Variants in CORO2B observed in about 807,000 individuals in gnomAD.
The protein encoded by CORO2B is coronin-2B.
Under a neutral mutation model 58.8 loss-of-function variants are expected in CORO2B, and 26 were observed. The ratio of observed to expected loss-of-function variants is 0.44; its 90% CI spans 0.32 to 0.61. The LOEUF is 0.61. CORO2B is among the 20% of genes least tolerant of loss of function. The pLI is 0.04. For missense variants in CORO2B, 460 were observed against 645.1 expected (o/e 0.71, Z 3.11); for synonymous variants, 242 against 253.8 (o/e 0.95, Z 0.44).
At chr15:68,549,953 AAAAT>A in the CORO2B span, among the ~76,000 whole-genome samples, 816 of 144,562 alleles carry the variant, frequency 5.6e-3, 9 homozygotes, top group African/African-American at 0.017. Flanking sequence ...AAAATAAAAT[AAAAT>A]AAATAAATAA....
chr15:68,723,240 G>A (rs1228195341), intron 11 of CORO2B, among the ~76,000 whole-genome samples: 1 of 129,264 alleles, frequency 7.7e-6, no homozygotes, highest in African/African-American at 3.0e-5. Flanking sequence ...TCCTGCCTTA[G>A]CCTCCCAAGT....
At chr15:68,654,305 G>GA (rs1901734924) in intron 2 of CORO2B, among the ~76,000 whole-genome samples, 1 of 152,254 alleles carries the variant, frequency 6.6e-6, no homozygotes, top group African/African-American at 2.4e-5. Context: ...AGCCTGGCTA[G>GA]TGGGCATCAT....
chr15:68,559,707 C>T, the CORO2B span: 1 of 884,504 alleles, frequency 1.1e-6, no homozygotes, highest in Non-Finnish European at 1.4e-6. This position sits in a 1 kb window ranked among gnomAD's most constrained non-coding sequence, Gnocchi z 4.3. Flanking sequence ...CTCTGGGGTT[C>T]TCCCAGGGGG....
chr15:68,621,404 C>T (rs10152807), intron 1 of CORO2B, among the ~76,000 whole-genome samples: 2,533 of 152,258 alleles, frequency 0.017, 73 homozygotes, highest in African/African-American at 0.058. Flanking sequence ...AGAGAGGCTT[C>T]GCAGCGCTGG....
intron 2 of CORO2B, among the ~76,000 whole-genome samples, chr15:68,665,072 A>G (rs746234301): frequency 2.1e-4 from 32 of 152,176 alleles, no homozygotes; most frequent in South Asian, 4.1e-4. Flanking sequence ...GATTATAAAG[A>G]AGTAACCTTT....
At chr15:68,589,095 C>T (rs1415784070) in intron 1 of CORO2B, among the ~76,000 whole-genome samples, 1 of 152,202 alleles carries the variant, frequency 6.6e-6, no homozygotes, top group Non-Finnish European at 1.5e-5. Context: ...TGGATTGAGG[C>T]TGTTTCAGGG....
the CORO2B span, among the ~76,000 whole-genome samples, chr15:68,548,146 G>C: frequency 4.6e-4 from 70 of 151,084 alleles, 2 homozygotes; most frequent in Middle Eastern, 3.4e-3. Flanking sequence ...ACTCCAGCCT[G>C]GGCAACAGAG....
intron 1 of CORO2B, among the ~76,000 whole-genome samples, chr15:68,616,195 G>C (rs1268652170): frequency 1.3e-5 from 2 of 152,048 alleles, no homozygotes; most frequent in Non-Finnish European, 2.9e-5. Flanking sequence ...TTGCTGTCGG[G>C]GATATGGCTA....
At chr15:68,557,270 C>T in the CORO2B span, among the ~76,000 whole-genome samples, 1 of 152,098 alleles carries the variant, frequency 6.6e-6, no homozygotes, top group Admixed American at 6.5e-5. Context: ...GTTCAGGGGC[C>T]AATCTATCCA....
the CORO2B span, among the ~76,000 whole-genome samples, chr15:68,540,563 A>G: frequency 6.6e-6 from 1 of 152,260 alleles, no homozygotes; most frequent in African/African-American, 2.4e-5. Context: ...CAGTCTCACC[A>G]GTCCCTTTCA....
upstream of CORO2B, among the ~76,000 whole-genome samples, chr15:68,574,172 C>A (rs1254049460): frequency 6.6e-6 from 1 of 152,142 alleles, no homozygotes; most frequent in Non-Finnish European, 1.5e-5. Context: ...TCCGAGTGGC[C>A]CAGCAAGGGA....
At chr15:68,552,722 T>C in the CORO2B span, among the ~76,000 whole-genome samples, 1 of 152,136 alleles carries the variant, frequency 6.6e-6, no homozygotes, top group African/African-American at 2.4e-5. Context: ...CATCATAGAA[T>C]CGCATGCTTC....
At chr15:68,593,083 A>G (rs746550278) in intron 1 of CORO2B, among the ~76,000 whole-genome samples, 6 of 152,160 alleles carry the variant, frequency 3.9e-5, no homozygotes, top group Non-Finnish European at 7.3e-5. Flanking sequence ...GAGAGAGGAA[A>G]TTGGGCCAAA....
the CORO2B span, among the ~76,000 whole-genome samples, chr15:68,555,324 G>A: frequency 6.6e-6 from 1 of 152,222 alleles, no homozygotes; most frequent in African/African-American, 2.4e-5. Flanking sequence ...CAAGGCTAGA[G>A]GGGGCTCCAG....
chr15:68,680,512 A>G (rs574768093), intron 2 of CORO2B, among the ~76,000 whole-genome samples: 28 of 152,342 alleles, frequency 1.8e-4, no homozygotes, highest in African/African-American at 6.5e-4. Context: ...TGAGTTGTGC[A>G]GTGTACAGTC....
the CORO2B span, among the ~76,000 whole-genome samples, chr15:68,555,550 T>A: frequency 5.3e-5 from 8 of 152,188 alleles, no homozygotes; most frequent in Admixed American, 1.3e-4. Flanking sequence ...CTGGGACTCA[T>A]CCCTTACTCT....
the CORO2B span, among the ~76,000 whole-genome samples, chr15:68,525,346 A>G: frequency 2.6e-5 from 4 of 152,246 alleles, 1 homozygote; most frequent in Admixed American, 2.6e-4. Flanking sequence ...TCTGTGAAAC[A>G]TTGCTGGAAA....
At chr15:68,606,022 C>T (rs1011532988) in intron 1 of CORO2B, among the ~76,000 whole-genome samples, 1 of 151,754 alleles carries the variant, frequency 6.6e-6, no homozygotes, top group African/African-American at 2.4e-5. Context: ...CAGCGCCCGG[C>T]CGGCTCTTGG....
chr15:68,633,639 G>A (rs1900930285), intron 1 of CORO2B, among the ~76,000 whole-genome samples: 1 of 152,040 alleles, frequency 6.6e-6, no homozygotes, highest in Non-Finnish European at 1.5e-5. Flanking sequence ...TTCTTTATGG[G>A]CAAGTTGATT....
Sources: allele counts gnomAD v4.1 joint callset (sites outside exome capture counted in the v4.1 genomes callset), GRCh38; gene constraint gnomAD v4.1.1; non-coding constraint Gnocchi (gnomAD v3.1); transcripts MANE v1.5; gene names NCBI Gene and HGNC (gene_info 2026-07-23, HGNC 2026-07-21).